CDS2: variants seen among roughly 807,000 people sequenced by gnomAD.
The protein encoded by CDS2 is phosphatidate cytidylyltransferase 2.
Under a neutral mutation model 59.0 loss-of-function variants are expected in CDS2, and 47 were observed. The observed-to-expected ratio is 0.80, with a 90% confidence interval of 0.63 to 1.02. The LOEUF is 1.02. Among genes scored for constraint, CDS2 ranks in the 50% least tolerant of loss-of-function variants. CDS2 has a pLI of 0.00. For missense variants in CDS2, 356 were observed against 558.9 expected, an observed-to-expected ratio of 0.64 and a Z score of 3.66; for synonymous variants, 207 against 206.4, an observed-to-expected ratio of 1.00 and a Z score of -0.02.
Position 5,175,293 on chromosome 20 carries a change from C to T in CDS2, c.291+14C>T, listed in dbSNP as rs2090986871. ...TTGATGATAATCGTAAGTGCCATTT[C>T]ACACTATTTTAGTTTTCCCTTCAGT... On this transcript the variant is annotated intron_variant, in intron 3 of 12. Transcript: ENST00000460006. 2.5e-6 allele frequency: 4 copies of T among 1,601,520 alleles called. No homozygotes were observed. Among genetic ancestry groups the T allele is most frequent in the Non-Finnish European group, 3.4e-6 (4 of 1,168,812 alleles).
intron 2 of CDS2, among the ~76,000 whole-genome samples, chr20:5,174,695 C>T (rs6116675): frequency 6.6e-6 from 1 of 150,738 alleles, no homozygotes; most frequent in Non-Finnish European, 1.5e-5. Context: ...GCACTCCAAC[C>T]TGGGCTACAG....
chr20:5,140,494 T>C (rs2090684791), intron 1 of CDS2, among the ~76,000 whole-genome samples: 1 of 152,114 alleles, frequency 6.6e-6, no homozygotes. Context: ...AACTCAGGAG[T>C]TGGACTCCTT....
chr20:5,188,055 C>CGTGTGTGTGTGTGTGTGT (rs71332879), intron 10 of CDS2, among the ~76,000 whole-genome samples: 4 of 148,898 alleles, frequency 2.7e-5, no homozygotes, highest in African/African-American at 7.4e-5. Flanking sequence ...TCTTAACGTA[C>CGTGTGTGTGTGTGTGTGT]GTGTGTGTGT....
intron 1 of CDS2, among the ~76,000 whole-genome samples, chr20:5,136,231 CCA>C (rs1352168187): frequency 2.0e-5 from 3 of 152,150 alleles, no homozygotes; most frequent in African/African-American, 7.2e-5. Flanking sequence ...GCCCTTCAGT[CCA>C]CACAAACTGA....
At chr20:5,167,536 A>G (rs1472774198) in intron 1 of CDS2, among the ~76,000 whole-genome samples, 1 of 152,180 alleles carries the variant, frequency 6.6e-6, no homozygotes, top group East Asian at 1.9e-4. Flanking sequence ...CTGGCCAGAT[A>G]TATGTATATA....
chr20:5,142,603 G>A (rs1469811330), intron 1 of CDS2, among the ~76,000 whole-genome samples: 2 of 152,108 alleles, frequency 1.3e-5, no homozygotes, highest in Non-Finnish European at 2.9e-5. Flanking sequence ...TGTGATATTG[G>A]CATGGTGATG....
intron 1 of CDS2, among the ~76,000 whole-genome samples, chr20:5,133,102 G>A (rs2090621322): frequency 6.6e-6 from 1 of 151,684 alleles, no homozygotes; most frequent in Non-Finnish European, 1.5e-5. Context: ...GTGAACCCGG[G>A]AGGCGGAGCT....
chr20:5,182,638 GTTAC>G (rs2091039780), intron 6 of CDS2, among the ~76,000 whole-genome samples, 193 bp downstream of exon 6: 6 of 152,204 alleles, frequency 3.9e-5, no homozygotes, highest in Admixed American at 3.9e-4. Flanking sequence ...CCCAGTCACT[GTTAC>G]TTACACCTTA....
chr20:5,135,044 ACT>A (rs760249879), intron 1 of CDS2, among the ~76,000 whole-genome samples: 36 of 151,782 alleles, frequency 2.4e-4, no homozygotes, highest in Admixed American at 1.8e-3. Context: ...TATTTGAGAA[ACT>A]CTTTTTAAAA....
chr20:5,130,644 G>A (rs183566942), intron 1 of CDS2, among the ~76,000 whole-genome samples: 2 of 152,186 alleles, frequency 1.3e-5, no homozygotes, highest in Non-Finnish European at 2.9e-5. Context: ...TTAGCCGGGC[G>A]TGGTGGTGCA....
rs749416714 is a variant in CDS2 at position 5,185,823 on chromosome 20, T to C, written c.825T>C (p.Leu275=). The C allele has an allele frequency of 3.1e-6, 5 of 1,614,058 alleles. No individual in the cohort carries two copies. In the Admixed American group the frequency reaches 6.7e-5, roughly 22 times the overall value. The change falls in exon 9 of 13, where the codon CTT becomes CTC. Residue 275 remains leucine, a synonymous_variant. Transcript: ENST00000460006. The stretch of plus-strand genomic sequence containing the variant: ...TCTTTGCTACTGTGGTGTTTGGCCT[T>C]CTGGTAGGTGGTGGCTTTCAGCTGT... ...GGFFATVVFG[L]LLSYVMSGYR...
At chr20:5,139,042 C>T (rs114494152) in intron 1 of CDS2, among the ~76,000 whole-genome samples, 1,874 of 152,160 alleles carry the variant, frequency 0.012, 48 homozygotes, top group African/African-American at 0.041. Flanking sequence ...ATGGTATTGG[C>T]ATAAAAACAG....
intron 1 of CDS2, chr20:5,168,672 C>G (rs1203199759): frequency 1.9e-6 from 1 of 517,234 alleles, no homozygotes; most frequent in Admixed American, 1.9e-5. Context: ...GTCCAGGAAG[C>G]CTCCCACCAG....
chr20:5,137,947 C>T (rs994458115), intron 1 of CDS2, among the ~76,000 whole-genome samples: 9 of 151,338 alleles, frequency 5.9e-5, no homozygotes, highest in Non-Finnish European at 1.2e-4. Flanking sequence ...TACAGGCACC[C>T]GCCACCATGC....
intron 1 of CDS2, among the ~76,000 whole-genome samples, chr20:5,132,084 G>A (rs1207218218): frequency 2.0e-5 from 3 of 151,570 alleles, no homozygotes; most frequent in East Asian, 1.9e-4. Context: ...ACCTATCTTC[G>A]GTTTATTTTC....
At chr20:5,127,588 C>G (rs1326280791) in intron 1 of CDS2, among the ~76,000 whole-genome samples, 1 of 152,198 alleles carries the variant, frequency 6.6e-6, no homozygotes, top group Non-Finnish European at 1.5e-5. Flanking sequence ...GGAATCAGGA[C>G]AAGGCCATAG....
At chr20:5,138,874 A>G (rs1488780045) in intron 1 of CDS2, among the ~76,000 whole-genome samples, 2 of 152,074 alleles carry the variant, frequency 1.3e-5, no homozygotes, top group African/African-American at 2.4e-5. Flanking sequence ...ACCTAAAACA[A>G]TGTGCAGATT....
At chr20:5,186,899 C>T (rs1424631047) in intron 10 of CDS2, 60 bp downstream of exon 10, 1 of 1,576,300 alleles carries the variant, frequency 6.3e-7, no homozygotes, top group Non-Finnish European at 8.7e-7. Context: ...AAGAGAGATC[C>T]CCCTCCATCA....
intron 1 of CDS2, among the ~76,000 whole-genome samples, chr20:5,169,149 G>A (rs906383210): frequency 6.6e-6 from 1 of 152,248 alleles, no homozygotes; most frequent in African/African-American, 2.4e-5. Flanking sequence ...CTTGGGAAAT[G>A]GCTGAGGAAC....
Sources: gnomAD v4.1 joint callset for allele counts (sites outside exome capture counted in the v4.1 genomes callset) on GRCh38, gnomAD v4.1.1 for gene constraint, MANE v1.5 for transcripts, NCBI Gene and HGNC (gene_info 2026-07-23, HGNC 2026-07-21) for gene names.